The following NBEAL1 variants were observed in gnomAD, a reference collection of about 807,000 sequenced individuals.
The protein encoded by NBEAL1 is neurobeachin-like protein 1.
In NBEAL1, 273 loss-of-function variants were observed where a neutral mutation model predicts 351.3. That is an observed-to-expected ratio of 0.78 (90% CI 0.70 to 0.86). The LOEUF is 0.86. NBEAL1 is among the 40% of genes least tolerant of loss of function. NBEAL1 has a pLI of 0.00. For synonymous variants in NBEAL1, 1,050 were observed against 1,086.4 expected (o/e 0.97, Z 0.66); for missense variants, 2,961 against 3,201.3 (o/e 0.92, Z 1.81).
At chr2:203,205,414 C>A (rs1430439650) in intron 51 of NBEAL1, among the ~76,000 whole-genome samples, 1 of 152,106 alleles carries the variant, frequency 6.6e-6, no homozygotes, top group Non-Finnish European at 1.5e-5. Context: ...AGTGAAGTTA[C>A]CAAAATCAGA....
At position 203,187,109 on chromosome 2, in the gene NBEAL1, G is replaced by A. The variant is rs564486705; in HGVS notation, c.6706-1363G>A. ...ATCCCGGGACTGAGAAATGTCCCCC[G>A]GCTGGAGTGCAGTGACATTATCACA... On this transcript the variant is annotated intron_variant, in intron 44 of 55. Coordinates refer to ENST00000683969, the MANE Select transcript of NBEAL1 (RefSeq NM_001378026.1). Among the ~76,000 whole-genome samples, 23 of 152,240 alleles carry A rather than the reference G, an allele frequency of 1.5e-4. 1 individual carries two copies. The South Asian group carries it at 4.2e-3, about 28-fold the overall frequency.
At chr2:203,124,205 T>C (rs1185060549) in intron 19 of NBEAL1, among the ~76,000 whole-genome samples, 1 of 152,122 alleles carries the variant, frequency 6.6e-6, no homozygotes, top group East Asian at 1.9e-4. Context: ...TGGTGGCACA[T>C]GCCTGTAGTC....
At chr2:203,080,230 A>G (rs899545840) in intron 8 of NBEAL1, among the ~76,000 whole-genome samples, 1 of 151,656 alleles carries the variant, frequency 6.6e-6, no homozygotes. Flanking sequence ...TAACATGGTG[A>G]AACCCTGTCT....
In NBEAL1 at chr2:203,219,637, C is replaced by G. The variant is rs565859692; in HGVS notation, c.*2283C>G. 6.6e-6 allele frequency: 1 copy of G among 152,062 alleles called. No individual in the cohort carries two copies. Among genetic ancestry groups the G allele is most frequent in the Non-Finnish European group, 1.5e-5 (1 of 68,000 alleles). 9.4% of individuals were successfully genotyped at this position (152,062 alleles called of 1,614,324 possible). A position where few individuals can be genotyped will look rare whatever the true frequency, so the allele number is the denominator to read the frequency against. On this transcript the variant is annotated 3_prime_UTR_variant, in exon 56 of 56. Transcript: ENST00000683969. ...TTGGGAGGCTGAGGCAGGCGAATCA[C>G]AAGGTCAGGAGTTCAAGACCAGCCT...
Position 203,068,298 on chromosome 2 carries a change from A to G in NBEAL1, c.516-95A>G, listed in dbSNP as rs188023658. 6.9e-6 allele frequency: 4 copies of G among 583,744 alleles called. No individual in the cohort carries two copies. In the Admixed American group the frequency reaches 1.3e-4, roughly 19 times the overall value. 36.2% of individuals were successfully genotyped at this position (583,744 alleles called of 1,614,324 possible). ...ATACATAGTTCAAGACACAAATCAA[A>G]AGTAATATTAAATTTGTTTTATAAT... is the stretch of plus-strand genomic sequence containing the variant. On this transcript the variant is annotated intron_variant, in intron 6 of 55. Transcript: ENST00000683969.
intron 17 of NBEAL1, among the ~76,000 whole-genome samples, chr2:203,114,886 G>C (rs1208429801): frequency 6.6e-6 from 1 of 150,882 alleles, no homozygotes; most frequent in Non-Finnish European, 1.5e-5. Context: ...CAAGTAGCTA[G>C]GATTACAGGT....
At chr2:203,121,742 T>C (rs2062836877) in intron 18 of NBEAL1, among the ~76,000 whole-genome samples, 2 of 152,052 alleles carry the variant, frequency 1.3e-5, no homozygotes, top group South Asian at 4.2e-4. Flanking sequence ...GACCTACTTT[T>C]CTAAGTGGGT....
At position 203,208,763 on chromosome 2, in the gene NBEAL1, C is replaced by T; in HGVS notation, c.7623+10C>T. 1 of 1,548,784 alleles carries T rather than the reference C, an allele frequency of 6.5e-7. No individual in the cohort carries two copies. The highest frequency in any genetic ancestry group is 8.7e-7 in the Non-Finnish European group (1 of 1,143,252). ...AGTGTCAGGATCAAGGGTAAGATTT[C>T]ACCTTTAAGAAATACTATTTATTTT... On this transcript the variant is annotated intron_variant, in intron 52 of 55. Transcript: ENST00000683969.
rs2061508242 is a variant in NBEAL1 at position 203,062,057 on chromosome 2, A to C, written c.515+4604A>C. 2.8e-6 allele frequency: 1 copy of C among 358,374 alleles called. No homozygotes were observed. The highest frequency in any genetic ancestry group is 2.2e-5 in the African/African-American group (1 of 46,340). The allele number at this position is 358,374 out of a possible 1,614,324, so 22.2% of individuals were successfully genotyped here. A position where few individuals can be genotyped will look rare whatever the true frequency, so the allele number is the denominator to read the frequency against. On this transcript the variant is annotated intron_variant, in intron 6 of 55. Coordinates refer to ENST00000683969, the MANE Select transcript of NBEAL1 (RefSeq NM_001378026.1). The surrounding 1 kb of genome is among the most constrained non-coding windows in gnomAD (Gnocchi z 4.2). ...TGAGATATAATATACCTGTGAAGAG[A>C]TGCATGACATATGAAGACTTTTCCA...
chr2:203,104,521 G>T (rs2062392376), intron 12 of NBEAL1, among the ~76,000 whole-genome samples: 1 of 152,168 alleles, frequency 6.6e-6, no homozygotes, highest in Non-Finnish European at 1.5e-5. Context: ...TTTAATTGGG[G>T]AATTTAGCCC....
intron 16 of NBEAL1, 26 bp from the exon 17 acceptor site, chr2:203,112,989 T>C (rs754989899): frequency 7.0e-7 from 1 of 1,433,700 alleles, no homozygotes; most frequent in Non-Finnish European, 9.2e-7. Flanking sequence ...TAATTAAAAT[T>C]GTGTAATTTG....
chr2:203,110,007 T>C (rs1224071431), intron 14 of NBEAL1, 143 bp from the exon 15 acceptor site: 1 of 752,034 alleles, frequency 1.3e-6, no homozygotes, highest in Non-Finnish European at 2.0e-6. Flanking sequence ...TGAAACAAGG[T>C]TGGACTTCTG....
In NBEAL1 at chr2:203,111,963, T is replaced by C; in HGVS notation, c.2083-16T>C. ...AATGTAATTTTATCCTTTAAATGTG[T>C]GTTTCACTTTACCAGCACAACATAA... On this transcript the variant is annotated splice_polypyrimidine_tract_variant and intron_variant, in intron 15 of 55. Coordinates refer to ENST00000683969, the MANE Select transcript of NBEAL1 (RefSeq NM_001378026.1). The C allele has an allele frequency of 6.5e-7, 1 of 1,543,166 alleles. No homozygotes were observed. The highest frequency in any genetic ancestry group is 8.7e-7 in the Non-Finnish European group (1 of 1,145,346).
chr2:203,128,239 C>T (rs1354461418), intron 24 of NBEAL1, among the ~76,000 whole-genome samples: 2 of 150,276 alleles, frequency 1.3e-5, no homozygotes, highest in Non-Finnish European at 3.0e-5. Context: ...GGTGTGCACC[C>T]CCACACTGAG....
intron 45 of NBEAL1, among the ~76,000 whole-genome samples, chr2:203,188,985 A>T (rs1293097437): frequency 6.6e-6 from 1 of 152,248 alleles, no homozygotes; most frequent in African/African-American, 2.4e-5. Flanking sequence ...TGGCCTTAAA[A>T]TGATTTTTAA....
chr2:203,182,594 A>G (rs1480378383), intron 43 of NBEAL1: 1 of 152,222 alleles, frequency 6.6e-6, no homozygotes, highest in Non-Finnish European at 1.5e-5. Context: ...GGTTTAACAT[A>G]AAACCAAAGA....
rs190783226 is a variant in NBEAL1, at chr2:203,218,468, G to A, written c.*1114G>A. The A allele has an allele frequency of 1.2e-4, 18 of 152,266 alleles. No individual in the cohort carries two copies. Among genetic ancestry groups the A allele is most frequent in the African/African-American group, 4.3e-4 (18 of 41,580 alleles). 9.4% of individuals were successfully genotyped at this position (152,266 alleles called of 1,614,324 possible). On this transcript the variant is annotated 3_prime_UTR_variant, in exon 56 of 56. Coordinates refer to ENST00000683969, the MANE Select transcript of NBEAL1 (RefSeq NM_001378026.1). ...GGTCAGAGAGCTTTTACAACTACCAGTGTTATTAATCTGAGATTTCATGTG... is the reference window on the plus strand; with the variant it reads ...GGTCAGAGAGCTTTTACAACTACCAATGTTATTAATCTGAGATTTCATGTG...
In NBEAL1 at chr2:203,032,166, C is replaced by A. The variant is rs1322553508; in HGVS notation, c.52-9599C>A. On this transcript the variant is annotated intron_variant, in intron 2 of 55. Coordinates refer to ENST00000683969, the MANE Select transcript of NBEAL1 (RefSeq NM_001378026.1). ...AAGTGGTTCCTTCAGCCCAGTCAAG[C>A]TTTGGTATGACTGTGTCCTTAGTTG... Among the ~76,000 whole-genome samples the A allele has an allele frequency of 3.3e-5, 5 of 152,186 alleles. No homozygotes were observed. In the East Asian group the frequency reaches 9.6e-4, roughly 29 times the overall value.
At chr2:203,020,094 T>C (rs1370190712) in intron 2 of NBEAL1, among the ~76,000 whole-genome samples, 2 of 152,206 alleles carry the variant, frequency 1.3e-5, no homozygotes, top group Non-Finnish European at 2.9e-5. Context: ...TGATACATTG[T>C]GGAATCATCA....
Sources: gnomAD v4.1 joint callset for allele counts (sites outside exome capture counted in the v4.1 genomes callset) on GRCh38, gnomAD v4.1.1 for gene constraint, Gnocchi (gnomAD v3.1) non-coding constraint, MANE v1.5 for transcripts, NCBI Gene and HGNC (gene_info 2026-07-23, HGNC 2026-07-21) for gene names.